Variants in SNX9 observed in about 807,000 individuals in gnomAD.
SNX9 encodes sorting nexin-9.
In SNX9, 44 loss-of-function variants were observed where a neutral mutation model predicts 89.4. That is an observed-to-expected ratio of 0.49 (90% CI 0.39 to 0.63). The LOEUF is 0.63. Ranked by LOEUF, SNX9 falls within the 30% of genes least tolerant of loss-of-function variation. SNX9 has a pLI of 0.00. For missense variants in SNX9, 578 were observed against 736.1 expected, an observed-to-expected ratio of 0.79 and a Z score of 2.49; for synonymous variants, 236 against 247.8, an observed-to-expected ratio of 0.95 and a Z score of 0.45.
At chr6:157,877,296 G>T (rs3792935) in intron 4 of SNX9, among the ~76,000 whole-genome samples, 7,538 of 151,910 alleles carry the variant, frequency 0.05, 212 homozygotes, top group East Asian at 0.11. Context: ...GGGGCATCTA[G>T]TCTAACATTG....
rs150190610 is a variant in SNX9, at chr6:157,943,146, A to T, written c.*308A>T. ...TTCTCCCCACTGATATTTTACATAGAGTCATAATTTATATGTCTTATAAAT... is the reference window on the plus strand; with the variant it reads ...TTCTCCCCACTGATATTTTACATAGTGTCATAATTTATATGTCTTATAAAT... On this transcript the variant is annotated 3_prime_UTR_variant, in exon 18 of 18. Coordinates refer to ENST00000392185, the MANE Select transcript of SNX9 (RefSeq NM_016224.5). 4.0e-3 allele frequency: 972 copies of T among 242,890 alleles called. 5 individuals are homozygous for T. Among genetic ancestry groups the T allele is most frequent in the African/African-American group, 0.019 (867 of 44,666 alleles). The allele number at this position is 242,890 out of a possible 1,614,324, so 15.0% of individuals were successfully genotyped here.
At chr6:157,939,195 G>T (rs923124486) in intron 16 of SNX9, among the ~76,000 whole-genome samples, 2 of 152,044 alleles carry the variant, frequency 1.3e-5, no homozygotes, top group African/African-American at 4.8e-5. Flanking sequence ...AGCAGATGAG[G>T]GCAGCAAGTG....
chr6:157,896,795 A>G (rs1782985551), intron 4 of SNX9, 32 bp from the exon 5 acceptor site: 5 of 1,612,060 alleles, frequency 3.1e-6, no homozygotes, highest in East Asian at 2.2e-5. Context: ...AAAAGTCACA[A>G]AAATTCTCCT....
chr6:157,939,749 G>A (rs1244693080), intron 16 of SNX9, among the ~76,000 whole-genome samples: 1 of 152,212 alleles, frequency 6.6e-6, no homozygotes, highest in Non-Finnish European at 1.5e-5. Flanking sequence ...GTTTGGTTTT[G>A]AACTTGTGTT....
At chr6:157,883,204 G>A (rs755844576) in intron 4 of SNX9, among the ~76,000 whole-genome samples, 20 of 152,148 alleles carry the variant, frequency 1.3e-4, no homozygotes, top group Non-Finnish European at 2.6e-4. Context: ...TAGCAATAAA[G>A]TATTTTTAAT....
At chr6:157,827,254 A>T (rs1431320412) in intron 1 of SNX9, among the ~76,000 whole-genome samples, 3 of 4,034 alleles carry the variant, frequency 7.4e-4, no homozygotes, top group African/African-American at 3.1e-3. Flanking sequence ...AGTTTATATA[A>T]TATATAAACA....
chr6:157,893,579 T>C (rs1782908341), intron 4 of SNX9, among the ~76,000 whole-genome samples: 2 of 150,300 alleles, frequency 1.3e-5, no homozygotes, highest in African/African-American at 4.9e-5. Flanking sequence ...CTTGCAATTA[T>C]ATTTTTTTCT....
At position 157,944,128 on chromosome 6, in the gene SNX9, C is replaced by G. The variant is rs560037132; in HGVS notation, c.*1290C>G. ...GCTCGAACTCAACACTGGCAGCCAC[C>G]GTCTCACCCCTGCGGAGGAGCGCTC... On this transcript the variant is annotated 3_prime_UTR_variant, in exon 18 of 18. Coordinates refer to ENST00000392185, the MANE Select transcript of SNX9 (RefSeq NM_016224.5). The G allele has an allele frequency of 6.6e-6, 1 of 152,264 alleles. No individual in the cohort carries two copies. Among genetic ancestry groups the G allele is most frequent in the Non-Finnish European group, 1.5e-5 (1 of 68,064 alleles). The allele number at this position is 152,264 out of a possible 1,614,324, so 9.4% of individuals were successfully genotyped here.
intron 5 of SNX9, 49 bp downstream of exon 5, chr6:157,897,047 G>A: frequency 6.6e-7 from 1 of 1,505,866 alleles, no homozygotes. Context: ...TGGCTGAGTG[G>A]GAGAGACAGG....
At chr6:157,842,502 G>A (rs1395533928) in intron 1 of SNX9, among the ~76,000 whole-genome samples, 4 of 152,182 alleles carry the variant, frequency 2.6e-5, no homozygotes, top group Admixed American at 2.0e-4. Context: ...AGAGCTGGCT[G>A]TGCGGGAGAC....
chr6:157,844,600 G>GTTTTTTTTTTTTTTTTTTTTTT (rs34836632), intron 1 of SNX9, among the ~76,000 whole-genome samples: 6 of 131,832 alleles, frequency 4.6e-5, no homozygotes, highest in East Asian at 2.3e-4. Context: ...TTTTTTTTTT[G>GTTTTTTTTTTTTTTTTTTTTTT]TTTTTTTTTT....
chr6:157,853,411 T>C (rs1384887696), intron 1 of SNX9, among the ~76,000 whole-genome samples: 1 of 152,180 alleles, frequency 6.6e-6, no homozygotes, highest in East Asian at 1.9e-4. Flanking sequence ...GACTATGATG[T>C]GTCTTTGTGT....
chr6:157,839,689 C>T (rs886691498), intron 1 of SNX9, among the ~76,000 whole-genome samples: 3 of 152,192 alleles, frequency 2.0e-5, no homozygotes, highest in Non-Finnish European at 4.4e-5. Flanking sequence ...CGCCTCTTGC[C>T]CAGGGTGAAG....
chr6:157,901,004 C>G (rs534981464), intron 5 of SNX9, among the ~76,000 whole-genome samples: 2 of 152,256 alleles, frequency 1.3e-5, no homozygotes, highest in Admixed American at 1.3e-4. Context: ...CCCCATGTGT[C>G]TGTTTATAGG....
Position 157,823,332 on chromosome 6 carries a change from C to T in SNX9, c.-103C>T, listed in dbSNP as rs1051613316. ...AGCGGCCGCCGCGCCGGGGCCCAGC[C>T]GGAGCCGCCGCCCTCGCCCTTGCCT... On this transcript the variant is annotated 5_prime_UTR_variant, in exon 1 of 18. Transcript: ENST00000392185. The surrounding 1 kb of genome is among the most constrained non-coding windows in gnomAD (Gnocchi z 4.6). 4.7e-6 allele frequency: 5 copies of T among 1,070,052 alleles called. No homozygotes were observed. In the African/African-American group the frequency reaches 6.8e-5, roughly 15 times the overall value. 66.3% of individuals were successfully genotyped at this position (1,070,052 alleles called of 1,614,324 possible). A position where few individuals can be genotyped will look rare whatever the true frequency, so the allele number is the denominator to read the frequency against.
At chr6:157,913,797 T>G (rs748681336) in intron 9 of SNX9, among the ~76,000 whole-genome samples, 2 of 152,210 alleles carry the variant, frequency 1.3e-5, no homozygotes, top group African/African-American at 2.4e-5. Context: ...CATAACACAT[T>G]TGCAATTCAA....
chr6:157,917,205 TGTTAG>T (rs563525015), intron 9 of SNX9, among the ~76,000 whole-genome samples: 17 of 152,200 alleles, frequency 1.1e-4, no homozygotes, highest in Non-Finnish European at 2.1e-4. Flanking sequence ...CCTTTAAAGA[TGTTAG>T]GTCTACTCCT....
At chr6:157,877,742 C>T (rs1419852466) in intron 4 of SNX9, among the ~76,000 whole-genome samples, 3 of 152,070 alleles carry the variant, frequency 2.0e-5, no homozygotes, top group African/African-American at 7.2e-5. Context: ...CCATCAGGCC[C>T]ATGGGCACAT....
intron 4 of SNX9, among the ~76,000 whole-genome samples, chr6:157,879,213 A>G (rs1447831516): frequency 1.3e-5 from 2 of 152,224 alleles, no homozygotes; most frequent in Non-Finnish European, 2.9e-5. Context: ...AACGTTTCCT[A>G]CGGCATTGTT....
Sources: gnomAD v4.1 joint callset for allele counts (sites outside exome capture counted in the v4.1 genomes callset) on GRCh38, gnomAD v4.1.1 for gene constraint, Gnocchi (gnomAD v3.1) non-coding constraint, MANE v1.5 for transcripts, NCBI Gene and HGNC (gene_info 2026-07-23, HGNC 2026-07-21) for gene names.